VSTM2A: variants seen among roughly 807,000 people sequenced by gnomAD.
VSTM2A encodes V-set and transmembrane domain containing 2A, also known as V-set and transmembrane domain-containing protein 2A.
A neutral mutation model predicts 27.3 loss-of-function variants in VSTM2A; 13 were observed. The observed-to-expected ratio is 0.48, with a 90% CI of 0.31 to 0.76. The LOEUF (loss-of-function observed/expected upper bound fraction) is 0.76. VSTM2A is among the 30% of genes least tolerant of loss of function. VSTM2A has a pLI of 0.05. For missense variants in VSTM2A, 280 were observed against 310.0 expected, an observed-to-expected ratio of 0.90 and a Z score of 0.73; for synonymous variants, 142 against 125.7, an observed-to-expected ratio of 1.13 and a Z score of -0.87.
chr7:54,545,200 C>G (rs2115760576), intron 2 of VSTM2A, among the ~76,000 whole-genome samples: 1 of 151,918 alleles, frequency 6.6e-6, no homozygotes, highest in South Asian at 2.1e-4. Flanking sequence ...CAGGCACCAT[C>G]TGGGACCGCA....
rs1206324772 is a variant in VSTM2A at position 54,549,770 on chromosome 7, T to TA, written c.298-58dup. ...CTTTCCAATATTAGCAAGCTCAGGG[T>TA]AAAAAATGGAACAAAATCATTTGAT... On this transcript the variant is annotated intron_variant, in intron 3 of 4. Transcript: ENST00000402613. 3.5e-6 allele frequency: 5 copies of TA among 1,438,218 alleles called. No individual in the cohort carries two copies. The African/African-American group carries it at 4.3e-5, about 12-fold the overall frequency. 89.1% of individuals were successfully genotyped at this position (1,438,218 alleles called of 1,614,324 possible).
rs138094954 is a variant in VSTM2A, at chr7:54,543,991, T to C, written c.80-631T>C. ...GAACTAAGCCTGGATGTGTGATCATTACATCTTAAGATGTATGGCAATTCA... is the reference window on the plus strand; with the variant it reads ...GAACTAAGCCTGGATGTGTGATCATCACATCTTAAGATGTATGGCAATTCA... On this transcript the variant is annotated intron_variant, in intron 1 of 4. Transcript: ENST00000402613. 1.9e-3 allele frequency among the ~76,000 whole-genome samples: 285 copies of C among 152,358 alleles called. 1 individual carries two copies. The highest frequency in any genetic ancestry group is 6.4e-3 in the African/African-American group (267 of 41,586).
At chr7:54,546,551 G>A (rs1309349316) in intron 2 of VSTM2A, 2 of 136,866 alleles carry the variant, frequency 1.5e-5, no homozygotes, top group African/African-American at 7.6e-5. Flanking sequence ...CCTCACCCCT[G>A]GCGCCCCCCC....
intron 4 of VSTM2A, among the ~76,000 whole-genome samples, chr7:54,555,982 A>G (rs754014470): frequency 3.3e-5 from 5 of 152,170 alleles, no homozygotes; most frequent in Non-Finnish European, 7.4e-5. Context: ...AGAAATAAGT[A>G]TTCTATGTTC....
chr7:54,547,077 C>G, intron 3 of VSTM2A, 80 bp downstream of exon 3: 2 of 1,472,634 alleles, frequency 1.4e-6, no homozygotes, highest in Non-Finnish European at 1.8e-6. Flanking sequence ...AGGCGGCTTG[C>G]CAGCGCTGCA....
chr7:54,568,322 A>C (rs1323279015), intron 4 of VSTM2A, among the ~76,000 whole-genome samples: 1 of 152,220 alleles, frequency 6.6e-6, no homozygotes, highest in African/African-American at 2.4e-5. Context: ...TCCAGTTAAA[A>C]ATGAAAGAAG....
In VSTM2A at chr7:54,549,935, C is replaced by G; in HGVS notation, c.399C>G (p.Asn133Lys). ...GLYECRVTDANYGELQEHKAQ... is the reference protein window; with the variant it reads ...GLYECRVTDAKYGELQEHKAQ... ...ATGAGTGCAGGGTGACTGATGCCAA[C>G]TACGGGGAGCTTCAGGAACACAAGG... The change falls in exon 4 of 5, where the codon AAC becomes AAG. Residue 133 changes from asparagine (N) to lysine (K), a missense_variant. Transcript: ENST00000402613. 6.2e-7 allele frequency: 1 copy of G among 1,613,820 alleles called. No homozygotes were observed. The highest frequency in any genetic ancestry group is 2.2e-5 in the East Asian group (1 of 44,878).
intron 4 of VSTM2A, among the ~76,000 whole-genome samples, chr7:54,567,483 T>C (rs1478316024): frequency 6.6e-6 from 1 of 152,218 alleles, no homozygotes; most frequent in Admixed American, 6.5e-5. Flanking sequence ...CCATAATATC[T>C]CAATGGGCTA....
chr7:54,558,810 G>A (rs1788458753), intron 4 of VSTM2A: 1 of 152,010 alleles, frequency 6.6e-6, no homozygotes, highest in Admixed American at 6.6e-5. Flanking sequence ...GCCAGTTAAA[G>A]AACTAAGCAG....
At position 54,542,890 on chromosome 7, in the gene VSTM2A, T is replaced by C. The variant is rs145933861; in HGVS notation, c.79+81T>C. On this transcript the variant is annotated intron_variant, in intron 1 of 4. Transcript: ENST00000402613. Reference sequence around the variant, plus strand: ...CACTCAAAAAGAATGGACAGGCAGATAGAATAAGCTTCCTAGCAAGTAACA... The same window carrying C: ...CACTCAAAAAGAATGGACAGGCAGACAGAATAAGCTTCCTAGCAAGTAACA... 11 of 1,312,238 alleles carry C rather than the reference T, an allele frequency of 8.4e-6. No individual in the cohort carries two copies. The East Asian group carries it at 1.8e-4, about 22-fold the overall frequency. The allele number at this position is 1,312,238 out of a possible 1,614,324, so 81.3% of individuals were successfully genotyped here.
rs780503075 is a variant in VSTM2A, at chr7:54,544,745, G to A, written c.203G>A (p.Gly68Glu). The change falls in exon 2 of 5, where the codon GGG becomes GAG. Residue 68 changes from glycine (G) to glutamate (E), a missense_variant. Transcript: ENST00000402613. ...GAGATCCAATGGTGGTTCCTGCGGG[G>A]GCCGGAGGACCTGGATCCCGGGGCC... Reference protein sequence around the residue: ...YLEIQWWFLRGPEDLDPGAEG... With the variant: ...YLEIQWWFLREPEDLDPGAEG... 6.2e-7 allele frequency: 1 copy of A among 1,612,372 alleles called. No homozygotes were observed. Among genetic ancestry groups the A allele is most frequent in the South Asian group, 1.1e-5 (1 of 91,070 alleles).
rs377518896 is a variant in VSTM2A at position 54,546,926 on chromosome 7, G to A, written c.247-21G>A. On this transcript the variant is annotated intron_variant, in intron 2 of 4. Coordinates refer to ENST00000402613, the MANE Select transcript of VSTM2A (RefSeq NM_001301009.2). ...TCGGGCGGGCCTGGCGCGGGACTGAGCGTTCGCTCCTTGCCCGCAGGTGGA... is the reference window on the plus strand; with the variant it reads ...TCGGGCGGGCCTGGCGCGGGACTGAACGTTCGCTCCTTGCCCGCAGGTGGA... 4 of 1,598,918 alleles carry A rather than the reference G, an allele frequency of 2.5e-6. No individual in the cohort carries two copies. In the African/African-American group the frequency reaches 5.5e-5, roughly 22 times the overall value.
chr7:54,563,480 A>C (rs906832989), intron 4 of VSTM2A, among the ~76,000 whole-genome samples: 1 of 152,200 alleles, frequency 6.6e-6, no homozygotes, highest in Non-Finnish European at 1.5e-5. Flanking sequence ...TGGGTGTGCT[A>C]CCATGAAAAT....
chr7:54,552,511 C>G (rs1243265834), intron 4 of VSTM2A: 1 of 152,132 alleles, frequency 6.6e-6, no homozygotes, highest in African/African-American at 2.4e-5. Context: ...AGATTATATT[C>G]AAATAAAGCT....
chr7:54,543,537 CTAGAGATCAT>C (rs890012368), intron 1 of VSTM2A, among the ~76,000 whole-genome samples: 1 of 149,940 alleles, frequency 6.7e-6, no homozygotes, highest in Non-Finnish European at 1.5e-5. Context: ...TTTCATTTCA[CTAGAGATCAT>C]TTTTGGGATT....
chr7:54,548,088 G>GT (rs1297748011), intron 3 of VSTM2A, among the ~76,000 whole-genome samples: 1 of 152,064 alleles, frequency 6.6e-6, no homozygotes, highest in Non-Finnish European at 1.5e-5. Context: ...GTAAAATCTA[G>GT]TTTTTTCTTA....
intron 3 of VSTM2A, among the ~76,000 whole-genome samples, chr7:54,549,052 T>C (rs118035547): frequency 0.013 from 1,896 of 150,598 alleles, 24 homozygotes; most frequent in African/African-American, 0.018. Flanking sequence ...ATATATCTAA[T>C]ATATATATCA....
Position 54,570,255 on chromosome 7 carries a change from C to A in VSTM2A, c.*1036C>A, listed in dbSNP as rs1398138097. On this transcript the variant is annotated 3_prime_UTR_variant, in exon 5 of 5. Coordinates refer to ENST00000402613, the MANE Select transcript of VSTM2A (RefSeq NM_001301009.2). ...CACTGTCTGGTTTTGACAGCTATTT[C>A]TGTATTATTATCATTATAATCTTGT... The A allele has an allele frequency of 1.3e-5, 2 of 152,078 alleles. No homozygotes were observed. Among genetic ancestry groups the A allele is most frequent in the African/African-American group, 4.8e-5 (2 of 41,410 alleles). 9.4% of individuals were successfully genotyped at this position (152,078 alleles called of 1,614,324 possible). A position where few individuals can be genotyped will look rare whatever the true frequency, so the allele number is the denominator to read the frequency against.
chr7:54,569,258 T>C lies in VSTM2A; in HGVS notation c.*39T>C, dbSNP rs1788819799. The C allele has an allele frequency of 6.4e-7, 1 of 1,551,064 alleles. No homozygotes were observed. The highest frequency in any genetic ancestry group is 2.0e-5 in the Admixed American group (1 of 50,942). On this transcript the variant is annotated 3_prime_UTR_variant, in exon 5 of 5. Coordinates refer to ENST00000402613, the MANE Select transcript of VSTM2A (RefSeq NM_001301009.2). ...GAGCGCCTGCTTCCGGAAGCATAAA[T>C]GAAGAGGCTATCACATGCTTTGTTG...
Sources: allele counts gnomAD v4.1 joint callset (sites outside exome capture counted in the v4.1 genomes callset), GRCh38; gene constraint gnomAD v4.1.1; transcripts MANE v1.5; gene names NCBI Gene and HGNC (gene_info 2026-07-23, HGNC 2026-07-21).